HS3ST5: variants seen among roughly 807,000 people sequenced by gnomAD.
HS3ST5 encodes heparan sulfate glucosamine 3-O-sulfotransferase 5.
HS3ST5 carries 10 observed loss-of-function variants against 25.4 expected under a neutral mutation model. The ratio of observed to expected loss-of-function variants is 0.39; its 90% CI spans 0.24 to 0.67. HS3ST5 has a LOEUF of 0.67. HS3ST5 is among the 30% of genes least tolerant of loss of function. The probability of loss-of-function intolerance (pLI) is 0.44; values close to 1 mark genes in which losing one functional copy is unlikely to be tolerated. For missense variants in HS3ST5, 324 were observed against 420.7 expected (o/e 0.77, Z 2.01); for synonymous variants, 170 against 162.4 (o/e 1.05, Z -0.36).
At chr6:114,222,152 C>A (rs926633638) in intron 2 of HS3ST5, among the ~76,000 whole-genome samples, 1 of 151,804 alleles carries the variant, frequency 6.6e-6, no homozygotes, top group East Asian at 1.9e-4. Context: ...GTATAGGATC[C>A]GATCTCACGT....
At chr6:114,186,751 T>G (rs1209745608) in intron 2 of HS3ST5, among the ~76,000 whole-genome samples, 2 of 152,184 alleles carry the variant, frequency 1.3e-5, no homozygotes, top group African/African-American at 4.8e-5. Flanking sequence ...ATCTAGGATT[T>G]TCATAGTTAG....
At chr6:114,159,141 A>G (rs920192436) in intron 3 of HS3ST5, among the ~76,000 whole-genome samples, 4 of 152,212 alleles carry the variant, frequency 2.6e-5, no homozygotes, top group African/African-American at 9.6e-5. Context: ...GAACATAACT[A>G]GTAACTGTGA....
At chr6:114,174,402 T>G (rs1366167722) in intron 2 of HS3ST5, among the ~76,000 whole-genome samples, 3 of 151,836 alleles carry the variant, frequency 2.0e-5, no homozygotes, top group African/African-American at 7.2e-5. Flanking sequence ...AGACAATGTC[T>G]ATTTTTTTTA....
At chr6:114,265,847 A>G (rs1298149130) in intron 1 of HS3ST5, among the ~76,000 whole-genome samples, 4 of 151,958 alleles carry the variant, frequency 2.6e-5, no homozygotes, top group Admixed American at 6.6e-5. Flanking sequence ...TTCCCTGCCA[A>G]TCCATTCTTG....
intron 3 of HS3ST5, chr6:114,084,085 C>CTTTT: frequency 2.8e-5 from 13 of 463,474 alleles, no homozygotes; most frequent in South Asian, 1.3e-4. Context: ...ATTTTCTTTT[C>CTTTT]TTTTTTTTTT....
chr6:114,135,628 G>C (rs1263779188), intron 3 of HS3ST5, among the ~76,000 whole-genome samples: 1 of 152,204 alleles, frequency 6.6e-6, no homozygotes, highest in Non-Finnish European at 1.5e-5. Flanking sequence ...ACGGTTTCAA[G>C]ATTTAGGTCA....
rs1562210158 is a variant in HS3ST5, at chr6:114,134,471, G to A, written c.-33+33880C>T. On this transcript the variant is annotated intron_variant, in intron 3 of 4. Transcript: ENST00000312719. ...AGGAGTGGCAGAGAGGCTAAAGGGG[G>A]AGTCCTTCCCAGGTAGGCAGAATTT... Among the ~76,000 whole-genome samples, 3 of 152,180 alleles carry A rather than the reference G, an allele frequency of 2.0e-5. No individual in the cohort carries two copies. In the South Asian group the frequency reaches 6.2e-4, roughly 32 times the overall value.
chr6:114,169,817 G>C (rs1779392056), intron 2 of HS3ST5, among the ~76,000 whole-genome samples: 1 of 152,082 alleles, frequency 6.6e-6, no homozygotes, highest in South Asian at 2.1e-4. Context: ...CCTTCAATTA[G>C]TTCAGTTTTT....
At chr6:114,317,553 T>A (rs1775790185) in intron 1 of HS3ST5, among the ~76,000 whole-genome samples, 2 of 152,194 alleles carry the variant, frequency 1.3e-5, no homozygotes, top group African/African-American at 4.8e-5. Context: ...GTAATTTTTT[T>A]ATTCTTTGAC....
chr6:114,119,595 A>G (rs185003607), intron 3 of HS3ST5, among the ~76,000 whole-genome samples: 9 of 152,316 alleles, frequency 5.9e-5, no homozygotes, highest in East Asian at 5.8e-4. Flanking sequence ...AGCGAATATG[A>G]AAGATTTAGA....
At chr6:114,095,084 C>T (rs940971771) in intron 3 of HS3ST5, among the ~76,000 whole-genome samples, 2 of 152,160 alleles carry the variant, frequency 1.3e-5, no homozygotes, top group African/African-American at 4.8e-5. Context: ...AAGCCATGCC[C>T]AAACTCATGC....
At chr6:114,276,901 G>A (rs1447855770) in intron 1 of HS3ST5, among the ~76,000 whole-genome samples, 2 of 151,896 alleles carry the variant, frequency 1.3e-5, no homozygotes, top group Non-Finnish European at 2.9e-5. Flanking sequence ...ATAATGGAAC[G>A]ATGGTCAGCA....
chr6:114,276,324 C>G (rs1009194022), intron 1 of HS3ST5, among the ~76,000 whole-genome samples: 2 of 151,804 alleles, frequency 1.3e-5, no homozygotes, highest in Admixed American at 6.6e-5. Context: ...ATAATTAATA[C>G]CTTGCTCTGA....
At chr6:114,163,572 CAGTT>C (rs1360689276) in intron 3 of HS3ST5, among the ~76,000 whole-genome samples, 5 of 152,004 alleles carry the variant, frequency 3.3e-5, no homozygotes, top group Admixed American at 1.3e-4. Context: ...CATTTTGTGT[CAGTT>C]ACTCAATGTC....
At chr6:114,084,061 G>A (rs1774624312) in intron 3 of HS3ST5, 1 of 576,958 alleles carries the variant, frequency 1.7e-6, no homozygotes, top group Middle Eastern at 4.7e-4. Flanking sequence ...TATGGTCTCA[G>A]GTTCCCTGAT....
intron 1 of HS3ST5, among the ~76,000 whole-genome samples, chr6:114,319,217 T>C (rs113523041): frequency 1.1e-4 from 17 of 152,210 alleles, no homozygotes; most frequent in African/African-American, 3.4e-4. Context: ...ATTTTCTTAA[T>C]TAATACATTT....
At chr6:114,205,093 G>C (rs1470621527) in intron 2 of HS3ST5, among the ~76,000 whole-genome samples, 3 of 152,004 alleles carry the variant, frequency 2.0e-5, no homozygotes, top group African/African-American at 7.3e-5. Context: ...ACACAAACTA[G>C]GTTTCCAACA....
intron 3 of HS3ST5, among the ~76,000 whole-genome samples, chr6:114,086,610 C>T (rs192586852): frequency 3.3e-5 from 5 of 152,264 alleles, no homozygotes; most frequent in Admixed American, 6.5e-5. Flanking sequence ...GATTTCTGAC[C>T]TAAAGAACTA....
intron 3 of HS3ST5, among the ~76,000 whole-genome samples, chr6:114,122,028 C>T (rs771496859): frequency 1.3e-4 from 20 of 152,178 alleles, no homozygotes; most frequent in Non-Finnish European, 2.1e-4. Flanking sequence ...CGCTCCTTGT[C>T]GAGACTGGGG....
Sources: gnomAD v4.1 joint callset for allele counts (sites outside exome capture counted in the v4.1 genomes callset) on GRCh38, gnomAD v4.1.1 for gene constraint, MANE v1.5 for transcripts, NCBI Gene and HGNC (gene_info 2026-07-23, HGNC 2026-07-21) for gene names.